Variants in XKR9 observed in about 807,000 individuals in gnomAD.
XKR9 encodes the protein XK-related protein 9.
A neutral mutation model predicts 32.0 loss-of-function variants in XKR9; 32 were observed. That is an observed-to-expected ratio of 1.00 (90% CI 0.76 to 1.34). The LOEUF is 1.34. Among genes scored for constraint, XKR9 ranks in the 40% most tolerant of loss-of-function variants. XKR9 has a pLI of 0.00. For synonymous variants in XKR9, 168 were observed against 143.4 expected (o/e 1.17, Z -1.22); for missense variants, 546 against 429.7 (o/e 1.27, Z -2.39).
At chr8:71,006,364 G>T in the XKR9 span, among the ~76,000 whole-genome samples, 1 of 151,874 alleles carries the variant, frequency 6.6e-6, no homozygotes. Flanking sequence ...AGCTATCATT[G>T]GCGTTAGTAT....
chr8:70,671,611 A>G (rs1362995017), intron 1 of XKR9, among the ~76,000 whole-genome samples: 1 of 79,124 alleles, frequency 1.3e-5, no homozygotes, highest in African/African-American at 3.8e-5. Context: ...GCGATAGTTT[A>G]CTGAGAATGA....
At chr8:70,987,858 C>A in the XKR9 span, among the ~76,000 whole-genome samples, 494 of 152,340 alleles carry the variant, frequency 3.2e-3, 2 homozygotes, top group Non-Finnish European at 4.9e-3. Context: ...TGTTTCCATA[C>A]ATCTTCTGAA....
At chr8:70,812,716 C>T in the XKR9 span, among the ~76,000 whole-genome samples, 1 of 152,114 alleles carries the variant, frequency 6.6e-6, no homozygotes, top group African/African-American at 2.4e-5. Context: ...AATAAAATAC[C>T]TAGGAATCCA....
chr8:70,775,846 G>A (rs148879296), intron 2 of XKR9, among the ~76,000 whole-genome samples: 2,296 of 151,804 alleles, frequency 0.015, 25 homozygotes, highest in Non-Finnish European at 0.022. Context: ...TTGGGTTCAA[G>A]TGATCCTCTC....
chr8:70,859,280 C>A, the XKR9 span, among the ~76,000 whole-genome samples: 3 of 151,904 alleles, frequency 2.0e-5, no homozygotes, highest in African/African-American at 7.3e-5. Context: ...CAGAGAAATG[C>A]AATCAAAACC....
At chr8:70,702,854 T>G (rs1000720264) in intron 3 of XKR9, among the ~76,000 whole-genome samples, 2 of 152,210 alleles carry the variant, frequency 1.3e-5, no homozygotes, top group Non-Finnish European at 2.9e-5. Flanking sequence ...AAATCCAGTT[T>G]GATAATCTCT....
At chr8:70,921,129 G>C in the XKR9 span, among the ~76,000 whole-genome samples, 2 of 152,190 alleles carry the variant, frequency 1.3e-5, no homozygotes, top group African/African-American at 4.8e-5. Context: ...AAATCTGTAG[G>C]CCTAATGATG....
the XKR9 span, among the ~76,000 whole-genome samples, chr8:70,963,784 T>G: frequency 4.1e-4 from 62 of 152,370 alleles, 1 homozygote; most frequent in African/African-American, 1.4e-3. Flanking sequence ...AAATGTCTGT[T>G]CATGTCCTTT....
chr8:71,036,870 C>CTT, the XKR9 span, among the ~76,000 whole-genome samples: 47,745 of 135,228 alleles, frequency 0.35, 8,967 homozygotes, highest in East Asian at 0.66. Flanking sequence ...GAGATTGCAC[C>CTT]TTTTTTTTTT....
At chr8:70,879,834 T>G in the XKR9 span, among the ~76,000 whole-genome samples, 1 of 152,146 alleles carries the variant, frequency 6.6e-6, no homozygotes, top group African/African-American at 2.4e-5. Flanking sequence ...AAAGAGAATT[T>G]TAGACCAATA....
chr8:70,878,953 G>A, the XKR9 span, among the ~76,000 whole-genome samples: 21 of 152,054 alleles, frequency 1.4e-4, no homozygotes, highest in East Asian at 3.9e-4. Context: ...ATAACAAACT[G>A]TCTCTCAGAC....
chr8:70,703,871 A>G (rs764378505), intron 3 of XKR9, among the ~76,000 whole-genome samples: 9 of 152,028 alleles, frequency 5.9e-5, no homozygotes, highest in Non-Finnish European at 1.2e-4. Context: ...TTTTTGGCCT[A>G]TTCATCATTT....
chr8:70,898,891 G>T, the XKR9 span, among the ~76,000 whole-genome samples: 2 of 151,550 alleles, frequency 1.3e-5, no homozygotes, highest in Admixed American at 6.6e-5. Flanking sequence ...TCAAATTTTT[G>T]ATCTCCTATA....
the XKR9 span, among the ~76,000 whole-genome samples, chr8:71,001,421 G>A: frequency 2.6e-5 from 4 of 151,994 alleles, no homozygotes; most frequent in Non-Finnish European, 4.4e-5. Flanking sequence ...ACCACCACAC[G>A]TGGTTAATTT....
chr8:70,862,867 T>C, the XKR9 span, among the ~76,000 whole-genome samples: 1 of 152,198 alleles, frequency 6.6e-6, no homozygotes, highest in East Asian at 1.9e-4. Context: ...GAGAGAATTC[T>C]GTGTACTCAG....
chr8:70,854,944 G>T, the XKR9 span, among the ~76,000 whole-genome samples: 1 of 152,156 alleles, frequency 6.6e-6, no homozygotes, highest in Non-Finnish European at 1.5e-5. Flanking sequence ...ATAGTTTGAA[G>T]TCATGTAGCA....
chr8:70,745,354 C>T (rs1036439066), intron 2 of XKR9, among the ~76,000 whole-genome samples: 45 of 152,128 alleles, frequency 3.0e-4, no homozygotes, highest in Admixed American at 5.9e-4. Flanking sequence ...ATATAAAAGG[C>T]CTTTTGAAAT....
intron 2 of XKR9, among the ~76,000 whole-genome samples, chr8:70,760,635 A>T (rs1344966560): frequency 6.6e-6 from 1 of 152,172 alleles, no homozygotes. Flanking sequence ...GGCACATTTT[A>T]GCCATTTTTA....
At chr8:70,724,718 C>T (rs1361115745) in intron 4 of XKR9, among the ~76,000 whole-genome samples, 1 of 152,160 alleles carries the variant, frequency 6.6e-6, no homozygotes, top group Admixed American at 6.5e-5. Flanking sequence ...ACTGTCTAAC[C>T]AGTCCCAATG....
Sources: gnomAD v4.1 joint callset for allele counts (sites outside exome capture counted in the v4.1 genomes callset) on GRCh38, gnomAD v4.1.1 for gene constraint, MANE v1.5 for transcripts, NCBI Gene and HGNC (gene_info 2026-07-23, HGNC 2026-07-21) for gene names.